The following DRD2 variants were observed in gnomAD, a reference collection of about 807,000 sequenced individuals.
DRD2 encodes the protein D(2) dopamine receptor.
In DRD2, 8 loss-of-function variants were observed where a neutral mutation model predicts 38.0. That is an observed-to-expected ratio of 0.21 (90% CI 0.12 to 0.38). DRD2 has a LOEUF of 0.38. DRD2 is among the 10% of genes least tolerant of loss of function. DRD2 has a pLI of 1.00. For synonymous variants in DRD2, 230 were observed against 238.6 expected (o/e 0.96, Z 0.33); for missense variants, 403 against 607.7 (o/e 0.66, Z 3.54).
At chr11:113,418,458 A>G (rs1389358479) in intron 2 of DRD2, among the ~76,000 whole-genome samples, 1 of 152,138 alleles carries the variant, frequency 6.6e-6, no homozygotes, top group Non-Finnish European at 1.5e-5. Flanking sequence ...TAGATTCTGT[A>G]TTTGTGTATT....
At chr11:113,463,037 C>T (rs760599493) in intron 1 of DRD2, among the ~76,000 whole-genome samples, 9 of 152,148 alleles carry the variant, frequency 5.9e-5, no homozygotes, top group African/African-American at 4.8e-5. Context: ...TCACGTGATA[C>T]GCTGAGCACT....
Position 113,424,525 on chromosome 11 carries a change from G to A in DRD2, c.127C>T (p.Leu43=). The A allele has an allele frequency of 6.2e-7, 1 of 1,614,266 alleles. No homozygotes were observed. ...CCGAAGACGATGACAGCGATGAGCA[G>A]GGTGAGCAGTGTGGCATAGTAGTTG... ...HYNYYATLLT[L]LIAVIVFGNV... The change falls in exon 2 of 8, where the codon CTG becomes TTG. Residue 43 remains leucine (L), a synonymous_variant. Transcript: ENST00000362072.
At position 113,475,158 on chromosome 11, in the gene DRD2, C is replaced by A. The variant is rs988528886; in HGVS notation, c.-114G>T. ...CTCCCGCCGCATCCACGCGCGGCCG[C>A]CCCTCCGGCAGCCGTCCGGGGCCGC... On this transcript the variant is annotated 5_prime_UTR_variant, in exon 1 of 8. Coordinates refer to ENST00000362072, the MANE Select transcript of DRD2 (RefSeq NM_000795.4). 219 of 151,308 alleles carry A rather than the reference C, an allele frequency of 1.4e-3. 1 individual carries two copies. Among genetic ancestry groups the A allele is most frequent in the African/African-American group, 5.1e-3 (212 of 41,488 alleles). The allele number at this position is 151,308 out of a possible 1,614,324, so 9.4% of individuals were successfully genotyped here. A position where few individuals can be genotyped will look rare whatever the true frequency, so the allele number is the denominator to read the frequency against.
At chr11:113,469,895 A>G (rs1317080428) in intron 1 of DRD2, among the ~76,000 whole-genome samples, 1 of 152,172 alleles carries the variant, frequency 6.6e-6, no homozygotes, top group African/African-American at 2.4e-5. Context: ...AAATGTAAAA[A>G]CAAGGGTTCC....
intron 3 of DRD2, among the ~76,000 whole-genome samples, chr11:113,417,354 G>A (rs1379658662): frequency 6.6e-6 from 1 of 152,154 alleles, no homozygotes; most frequent in East Asian, 1.9e-4. Context: ...AGGTGGAAAT[G>A]TTTGTTGATA....
At chr11:113,435,628 T>TCCCC (rs1464590267) in intron 1 of DRD2, among the ~76,000 whole-genome samples, 1 of 146,514 alleles carries the variant, frequency 6.8e-6, no homozygotes, top group Non-Finnish European at 1.5e-5. Context: ...ACTGTATTCC[T>TCCCC]CCCCCCGCCC....
intron 1 of DRD2, among the ~76,000 whole-genome samples, chr11:113,470,436 G>A (rs1951412907): frequency 6.6e-6 from 1 of 152,188 alleles, no homozygotes; most frequent in South Asian, 2.1e-4. Flanking sequence ...TATTGATGGA[G>A]CTCCTGGGAG....
At chr11:113,412,078 C>G (rs1164527801) in intron 7 of DRD2, 1 of 169,258 alleles carries the variant, frequency 5.9e-6, no homozygotes, top group Admixed American at 5.6e-5. Flanking sequence ...TTCCCAATTC[C>G]TCAAAAAGAG....
At chr11:113,414,074 T>A in intron 6 of DRD2, 1 of 418,302 alleles carries the variant, frequency 2.4e-6, no homozygotes, top group Non-Finnish European at 4.5e-6. Context: ...GTGGTGAGGA[T>A]TTGATGAGAT....
intron 4 of DRD2, among the ~76,000 whole-genome samples, chr11:113,416,203 C>T (rs926133036): frequency 2.6e-5 from 4 of 152,182 alleles, no homozygotes; most frequent in African/African-American, 9.7e-5. Flanking sequence ...AGATACCGAA[C>T]CACACATTTT....
chr11:113,433,231 G>A (rs1255168753), intron 1 of DRD2, among the ~76,000 whole-genome samples: 3 of 152,188 alleles, frequency 2.0e-5, no homozygotes, highest in East Asian at 1.9e-4. Flanking sequence ...TCCCAGGCCC[G>A]AGTGCACAGG....
intron 1 of DRD2, among the ~76,000 whole-genome samples, chr11:113,452,469 T>TGCGCGCGCGCGC (rs150781651): frequency 2.5e-5 from 3 of 118,780 alleles, no homozygotes; most frequent in African/African-American, 1.1e-4. Flanking sequence ...TGTGTGTGTG[T>TGCGCGCGCGCGC]GCGCGCGCGC....
chr11:113,458,502 A>G (rs1300574227), intron 1 of DRD2, among the ~76,000 whole-genome samples: 1 of 152,228 alleles, frequency 6.6e-6, no homozygotes, highest in Non-Finnish European at 1.5e-5. Flanking sequence ...GCATGTGGAT[A>G]TACTCCTTCC....
intron 1 of DRD2, among the ~76,000 whole-genome samples, chr11:113,430,036 C>T (rs1053262058): frequency 1.3e-5 from 2 of 152,236 alleles, no homozygotes; most frequent in African/African-American, 4.8e-5. Flanking sequence ...GTGACTGTTG[C>T]TGTTCAAATG....
At chr11:113,463,570 C>T (rs950102982) in intron 1 of DRD2, among the ~76,000 whole-genome samples, 2 of 152,304 alleles carry the variant, frequency 1.3e-5, no homozygotes, top group Admixed American at 6.5e-5. Flanking sequence ...TTCCAGCCTG[C>T]CTTAATAATG....
chr11:113,432,914 C>T (rs544868718), intron 1 of DRD2, among the ~76,000 whole-genome samples: 1 of 152,340 alleles, frequency 6.6e-6, no homozygotes, highest in Admixed American at 6.5e-5. Context: ...CTGAATAACA[C>T]TTTTATGTTC....
intron 1 of DRD2, among the ~76,000 whole-genome samples, chr11:113,447,998 G>A (rs1389906120): frequency 1.3e-5 from 2 of 152,150 alleles, no homozygotes; most frequent in African/African-American, 4.8e-5. Context: ...GTTAAAGCAG[G>A]TGTCTGAGGC....
At chr11:113,419,889 C>T (rs1418692222) in intron 2 of DRD2, among the ~76,000 whole-genome samples, 1 of 152,236 alleles carries the variant, frequency 6.6e-6, no homozygotes, top group African/African-American at 2.4e-5. Context: ...CAGCAAGCCT[C>T]TCATGCGGCA....
At chr11:113,472,701 T>G (rs1397670746) in intron 1 of DRD2, among the ~76,000 whole-genome samples, 2 of 152,194 alleles carry the variant, frequency 1.3e-5, no homozygotes, top group Non-Finnish European at 2.9e-5. Context: ...TAGGCTGAAC[T>G]AATCACTCCT....
Sources: allele counts gnomAD v4.1 joint callset (sites outside exome capture counted in the v4.1 genomes callset), GRCh38; gene constraint gnomAD v4.1.1; transcripts MANE v1.5; gene names NCBI Gene and HGNC (gene_info 2026-07-23, HGNC 2026-07-21).